The following SAMD15 variants were observed in gnomAD, a reference collection of about 807,000 sequenced individuals.
The protein encoded by SAMD15 is sterile alpha motif domain-containing protein 15.
A neutral mutation model predicts 50.5 loss-of-function variants in SAMD15; 37 were observed. The ratio of observed to expected loss-of-function variants is 0.73; its 90% CI spans 0.56 to 0.96. The LOEUF (loss-of-function observed/expected upper bound fraction) is 0.96, where lower values mean the gene tolerates loss of function less well. Among genes scored for constraint, SAMD15 ranks in the 40% least tolerant of loss-of-function variants. The pLI is 0.00. For synonymous variants in SAMD15, 255 were observed against 282.8 expected (o/e 0.90, Z 0.99); for missense variants, 789 against 783.8 (o/e 1.01, Z -0.08).
At chr14:77,389,307 T>C (rs992111893) in intron 2 of SAMD15, among the ~76,000 whole-genome samples, 4 of 150,582 alleles carry the variant, frequency 2.7e-5, no homozygotes, top group African/African-American at 9.9e-5. Context: ...AATTTTACAG[T>C]CTTATAACTC....
rs1329409427 is a variant in SAMD15, at chr14:77,378,140, C to T, written c.722C>T (p.Pro241Leu). 1 of 1,613,490 alleles carries T rather than the reference C, an allele frequency of 6.2e-7. No homozygotes were observed. Among genetic ancestry groups the T allele is most frequent in the Non-Finnish European group, 8.5e-7 (1 of 1,179,934 alleles). Reference sequence around the variant, plus strand: ...CCAAAGATGACCAAACCAGAGACTCCAGAGGAGACACAAAGAGAGTCAACT... The same window carrying T: ...CCAAAGATGACCAAACCAGAGACTCTAGAGGAGACACAAAGAGAGTCAACT... ...QPPKMTKPET[P>L]EETQRESTEK... Residue 241 changes from proline to leucine, a missense_variant, in exon 1 of 3, where the codon CCA becomes CTA. Physicochemically the swap from Pro to Leu is moderately conservative, Grantham distance 98 (BLOSUM62 -3). Around this residue, in one of 2 missense-constraint regions of SAMD15, gnomAD observed 770 missense variants for 745.4 expected, o/e 1.03. Coordinates refer to ENST00000216471, the MANE Select transcript of SAMD15 (RefSeq NM_001010860.4).
rs774774727 is a variant in SAMD15 at position 77,379,061 on chromosome 14, A to G, written c.1643A>G (p.Glu548Gly). 3.1e-6 allele frequency: 5 copies of G among 1,613,878 alleles called. No individual in the cohort carries two copies. Among genetic ancestry groups the G allele is most frequent in the Non-Finnish European group, 4.2e-6 (5 of 1,179,836 alleles). Residue 548 changes from glutamate to glycine, a missense_variant, in exon 1 of 3, where the codon GAG (glutamate) becomes GGG (glycine). Glu to Gly is a moderately conservative substitution (Grantham distance 98). Around this residue, in one of 2 missense-constraint regions of SAMD15, gnomAD observed 770 missense variants for 745.4 expected, o/e 1.03. Coordinates refer to ENST00000216471, the MANE Select transcript of SAMD15 (RefSeq NM_001010860.4). ...LQFEHLNWDP[E>G]EVAEWISQLG... ...TTTGAGCATCTTAATTGGGATCCAG[A>G]GGAAGTTGCAGAGTGGATTAGCCAG...
At chr14:77,380,045 C>CA (rs779564126) in intron 1 of SAMD15, among the ~76,000 whole-genome samples, 4 of 151,746 alleles carry the variant, frequency 2.6e-5, no homozygotes, top group African/African-American at 4.8e-5. Context: ...GTACCATGCC[C>CA]AAAAAAACAG....
chr14:77,380,243 T>C, intron 1 of SAMD15, 140 bp from the exon 2 acceptor site: 2 of 605,714 alleles, frequency 3.3e-6, no homozygotes, highest in South Asian at 1.8e-5. Context: ...TGAGACCCTG[T>C]CTCTAAAAAA....
chr14:77,391,404 G>A lies in SAMD15; in HGVS notation c.*160G>A, dbSNP rs1894071460. On this transcript the variant is annotated 3_prime_UTR_variant, in exon 3 of 3. Coordinates refer to ENST00000216471, the MANE Select transcript of SAMD15 (RefSeq NM_001010860.4). The stretch of plus-strand genomic sequence containing the variant: ...GCTGGAGTGCAATGGCACAGTCTCA[G>A]CTCACTGCAACCTTGCGATTCTCCT... 1.9e-6 allele frequency: 1 copy of A among 525,068 alleles called. No homozygotes were observed. Among genetic ancestry groups the A allele is most frequent in the Non-Finnish European group, 3.3e-6 (1 of 300,670 alleles). 32.5% of individuals were successfully genotyped at this position (525,068 alleles called of 1,614,324 possible).
At chr14:77,390,871 C>G in intron 2 of SAMD15, 137 bp from the exon 3 acceptor site, 1 of 666,568 alleles carries the variant, frequency 1.5e-6, no homozygotes, top group Non-Finnish European at 2.6e-6. Flanking sequence ...GCCTGGGCGA[C>G]AGAGCAAGAC....
At chr14:77,387,307 A>G (rs1187236585) in intron 2 of SAMD15, among the ~76,000 whole-genome samples, 1 of 152,106 alleles carries the variant, frequency 6.6e-6, no homozygotes. Flanking sequence ...GTGGTGGCAC[A>G]TACTTGTAGT....
chr14:77,389,347 C>A (rs368926302), intron 2 of SAMD15, among the ~76,000 whole-genome samples: 11 of 129,468 alleles, frequency 8.5e-5, no homozygotes, highest in African/African-American at 2.9e-4. Context: ...AAAAAAAAAA[C>A]AACAAAAAAG....
In SAMD15 at chr14:77,380,477, T is replaced by G. The variant is rs1186745897; in HGVS notation, c.1784T>G (p.Met595Arg). The G allele has an allele frequency of 3.1e-6, 5 of 1,607,216 alleles. No individual in the cohort carries two copies. In the Admixed American group the frequency reaches 6.7e-5, roughly 21 times the overall value. Residue 595 changes from methionine (M) to arginine (R), a missense_variant, in exon 2 of 3, where the codon ATG (methionine) becomes AGG (arginine). Transcript: ENST00000216471. ...ATGGGGATAACAAACTTTGAGGACA[T>G]GAAGGTGAGTTGTGTCCAAAGTTTC... ...PQMGITNFED[M>R]KAISRHTQEL...
Position 77,378,199 on chromosome 14 carries a change from A to G in SAMD15, c.781A>G (p.Arg261Gly). The G allele has an allele frequency of 6.2e-7, 1 of 1,614,050 alleles. No homozygotes were observed. The highest frequency in any genetic ancestry group is 1.3e-5 in the African/African-American group (1 of 75,038). Residue 261 changes from arginine (R) to glycine (G), a missense_variant, in exon 1 of 3, where the codon AGA becomes GGA. Arg to Gly is a moderately radical substitution (Grantham distance 125, BLOSUM62 -2). Coordinates refer to ENST00000216471, the MANE Select transcript of SAMD15 (RefSeq NM_001010860.4). ...KKRTEPPEQARLEFLEKEPRK... is the reference protein window; with the variant it reads ...KKRTEPPEQAGLEFLEKEPRK... ...AAGGACAGAGCCACCCGAGCAGGCT[A>G]GACTGGAATTTCTGGAGAAGGAACC... is the stretch of plus-strand genomic sequence containing the variant.
In SAMD15 at chr14:77,392,136, T is replaced by C. The variant is rs1894081955; in HGVS notation, c.*892T>C. ...TTGTAATAGGAACATGTTGGGGAAATATAATTAAAAATAAAATCTCCTGCC... is the reference window on the plus strand; with the variant it reads ...TTGTAATAGGAACATGTTGGGGAAACATAATTAAAAATAAAATCTCCTGCC... On this transcript the variant is annotated 3_prime_UTR_variant, in exon 3 of 3. Coordinates refer to ENST00000216471, the MANE Select transcript of SAMD15 (RefSeq NM_001010860.4). Among the ~76,000 whole-genome samples, 1 of 152,102 alleles carries C rather than the reference T, an allele frequency of 6.6e-6. No homozygotes were observed. Among genetic ancestry groups the C allele is most frequent in the Non-Finnish European group, 1.5e-5 (1 of 68,016 alleles).
chr14:77,379,037 T>A lies in SAMD15; in HGVS notation c.1619T>A (p.Phe540Tyr). ...CCAGAAAAAGGGACTGAGTTACAAT[T>A]TGAGCATCTTAATTGGGATCCAGAG... Reference protein sequence around the residue: ...TQPEKGTELQFEHLNWDPEEV... With the variant: ...TQPEKGTELQYEHLNWDPEEV... Residue 540 changes from phenylalanine to tyrosine, a missense_variant, in exon 1 of 3, where the codon TTT becomes TAT. Transcript: ENST00000216471. 6.2e-7 allele frequency: 1 copy of A among 1,614,102 alleles called. No individual in the cohort carries two copies. Among genetic ancestry groups the A allele is most frequent in the Middle Eastern group, 1.6e-4 (1 of 6,062 alleles).
chr14:77,388,460 C>T (rs77063228), intron 2 of SAMD15, among the ~76,000 whole-genome samples: 7,959 of 150,564 alleles, frequency 0.053, 713 homozygotes, highest in African/African-American at 0.18. Flanking sequence ...TTACCTAGGC[C>T]GCAGTGCAGT....
intron 2 of SAMD15, among the ~76,000 whole-genome samples, chr14:77,389,608 C>G (rs543451097): frequency 1.4e-5 from 2 of 147,576 alleles, no homozygotes; most frequent in Admixed American, 1.4e-4. Context: ...TCAAGTGATT[C>G]TCCTGCCTCA....
At position 77,378,432 on chromosome 14, in the gene SAMD15, G is replaced by A. The variant is rs954609171; in HGVS notation, c.1014G>A (p.Glu338=). 1.9e-6 allele frequency: 3 copies of A among 1,613,880 alleles called. No individual in the cohort carries two copies. Among genetic ancestry groups the A allele is most frequent in the Non-Finnish European group, 2.5e-6 (3 of 1,179,966 alleles). ...AAGAGATCAAATTAGAGTTTCCTGA[G>A]GAAGAATCAAGAAAAACAAATGAGG... ...PLEEIKLEFP[E]EESRKTNEET... The change falls in exon 1 of 3, where the codon GAG becomes GAA. Residue 338 remains glutamate, a synonymous_variant. Transcript: ENST00000216471.
At position 77,380,468 on chromosome 14, in the gene SAMD15, T is replaced by C. The variant is rs1260917288; in HGVS notation, c.1775T>C (p.Phe592Ser). ...CTCCCTCAGATGGGGATAACAAACT[T>C]TGAGGACATGAAGGTGAGTTGTGTC... ...SNLPQMGITN[F>S]EDMKAISRHT... Residue 592 changes from phenylalanine to serine, a missense_variant, in exon 2 of 3, where the codon TTT becomes TCT. This residue lies in a region of SAMD15 where 770 missense variants were observed against 745.4 expected (regional missense o/e 1.03). Transcript: ENST00000216471. 1 of 1,612,224 alleles carries C rather than the reference T, an allele frequency of 6.2e-7. No individual in the cohort carries two copies. The highest frequency in any genetic ancestry group is 1.7e-5 in the Admixed American group (1 of 60,008).
At position 77,391,329 on chromosome 14, in the gene SAMD15, C is replaced by CT. The variant is rs377304119; in HGVS notation, c.*99dup. 159,698 of 670,032 alleles carry CT rather than the reference C, an allele frequency of 0.24. 5,624 individuals carry two copies. Among genetic ancestry groups the CT allele is most frequent in the African/African-American group, 0.31 (16,331 of 51,960 alleles). 41.5% of individuals were successfully genotyped at this position (670,032 alleles called of 1,614,324 possible). ...GGTCTTTTTTGGTTTTCTTTTTCTCCTTTTTTTTTTTTTTATTTTTTTGAG... is the reference window on the plus strand; with the variant it reads ...GGTCTTTTTTGGTTTTCTTTTTCTCCTTTTTTTTTTTTTTTATTTTTTTGAG... On this transcript the variant is annotated 3_prime_UTR_variant, in exon 3 of 3. Transcript: ENST00000216471.
At position 77,381,751 on chromosome 14, in the gene SAMD15, T is replaced by C. The variant is rs190971518; in HGVS notation, c.1788+1270T>C. On this transcript the variant is annotated intron_variant, in intron 2 of 2. Coordinates refer to ENST00000216471, the MANE Select transcript of SAMD15 (RefSeq NM_001010860.4). ...ACGAAACTTTTTAAATTATTAAACA[T>C]ACAGTCCTAACTGAGCGTTTACTTT... is the stretch of plus-strand genomic sequence containing the variant. Among the ~76,000 whole-genome samples, 85 of 152,320 alleles carry C rather than the reference T, an allele frequency of 5.6e-4. 1 individual carries two copies. Among genetic ancestry groups the C allele is most frequent in the African/African-American group, 1.8e-3 (74 of 41,572 alleles).
intron 1 of SAMD15, among the ~76,000 whole-genome samples, chr14:77,379,393 T>C (rs1893915959): frequency 6.6e-6 from 1 of 151,528 alleles, no homozygotes; most frequent in Non-Finnish European, 1.5e-5. Flanking sequence ...CTCCTTTCTT[T>C]TTTTTTTTTT....
Sources: allele counts gnomAD v4.1 joint callset (sites outside exome capture counted in the v4.1 genomes callset), GRCh38; gene constraint gnomAD v4.1.1; regional missense constraint gnomAD v4.1.1; transcripts MANE v1.5; gene names NCBI Gene and HGNC (gene_info 2026-07-23, HGNC 2026-07-21).